The following SHISA6 variants were observed in gnomAD, a reference collection of about 807,000 sequenced individuals.
The protein encoded by SHISA6 is shisa family member 6, also known as protein shisa-6.
SHISA6 carries 22 observed loss-of-function variants against 47.9 expected under a neutral mutation model. The observed-to-expected ratio is 0.46, with a 90% CI of 0.33 to 0.66. The LOEUF (loss-of-function observed/expected upper bound fraction) is 0.66, where lower values mean the gene tolerates loss of function less well. Ranked by LOEUF, SHISA6 falls within the 30% of genes least tolerant of loss-of-function variation. The probability of loss-of-function intolerance (pLI) is 0.02; values close to 1 mark genes in which losing one functional copy is unlikely to be tolerated. For synonymous variants in SHISA6, 388 were observed against 337.8 expected (o/e 1.15, Z -1.63); for missense variants, 680 against 764.6 (o/e 0.89, Z 1.30).
intron 3 of SHISA6, among the ~76,000 whole-genome samples, chr17:11,395,432 T>G (rs1361719175): frequency 1.3e-5 from 2 of 152,114 alleles, no homozygotes; most frequent in African/African-American, 4.8e-5. Context: ...TCTGCTACCT[T>G]ACTGATTTCT....
rs567926312 is a variant in SHISA6 at position 11,563,454 on chromosome 17, G to A, written c.*5150G>A. On this transcript the variant is annotated 3_prime_UTR_variant, in exon 6 of 6. Coordinates refer to ENST00000441885, the MANE Select transcript of SHISA6 (RefSeq NM_207386.4). Reference sequence around the variant, plus strand: ...AGTTTGTGATATTCAAACCCATCTTGTAAATCAGCAAACACATTAACCTTC... The same window carrying A: ...AGTTTGTGATATTCAAACCCATCTTATAAATCAGCAAACACATTAACCTTC... The A allele has an allele frequency of 1.3e-5, 2 of 152,276 alleles. No homozygotes were observed. The highest frequency in any genetic ancestry group is 4.8e-5 in the African/African-American group (2 of 41,554). The allele number at this position is 152,276 out of a possible 1,614,324, so 9.4% of individuals were successfully genotyped here. A position where few individuals can be genotyped will look rare whatever the true frequency, so the allele number is the denominator to read the frequency against.
chr17:11,503,205 G>T (rs1021028677), intron 3 of SHISA6, among the ~76,000 whole-genome samples: 14 of 152,174 alleles, frequency 9.2e-5, no homozygotes, highest in African/African-American at 2.9e-4. Flanking sequence ...CTAGCTGATT[G>T]CAGAGCCAGG....
At chr17:11,250,339 C>T (rs1159289503) in intron 1 of SHISA6, among the ~76,000 whole-genome samples, 1 of 152,220 alleles carries the variant, frequency 6.6e-6, no homozygotes, top group Admixed American at 6.5e-5. Flanking sequence ...CTGGGCCAGA[C>T]TGCCTTAGAT....
chr17:11,375,853 G>A (rs1422428036), intron 2 of SHISA6, among the ~76,000 whole-genome samples: 2 of 152,154 alleles, frequency 1.3e-5, no homozygotes, highest in African/African-American at 2.4e-5. Context: ...AAGGTGAGGG[G>A]GCAGTGGCAG....
intron 1 of SHISA6, 125 bp downstream of exon 1, chr17:11,242,185 C>A (rs1284028131): frequency 3.1e-6 from 4 of 1,306,500 alleles, no homozygotes; most frequent in Non-Finnish European, 4.2e-6. Flanking sequence ...TTTCCACCAT[C>A]GCTCCTTTTG....
intron 1 of SHISA6, among the ~76,000 whole-genome samples, chr17:11,247,284 AAAG>A (rs1280804496): frequency 8.5e-5 from 13 of 152,180 alleles, no homozygotes; most frequent in African/African-American, 2.9e-4. Flanking sequence ...AACCACAACA[AAAG>A]AAGCTTCATG....
intron 3 of SHISA6, among the ~76,000 whole-genome samples, chr17:11,548,606 C>T (rs1401305797): frequency 2.0e-5 from 3 of 152,092 alleles, no homozygotes; most frequent in Non-Finnish European, 4.4e-5. Context: ...AGGCAACTGA[C>T]AGTGTGTTGA....
At chr17:11,513,213 T>A (rs1196199121) in intron 3 of SHISA6, among the ~76,000 whole-genome samples, 1 of 150,088 alleles carries the variant, frequency 6.7e-6, no homozygotes, top group African/African-American at 2.5e-5. Flanking sequence ...TATATATGTA[T>A]GTGTTATATA....
Position 11,241,448 on chromosome 17 carries a change from T to G in SHISA6, c.26T>G (p.Leu9Arg). 2 of 1,201,400 alleles carry G rather than the reference T, an allele frequency of 1.7e-6. No homozygotes were observed. The highest frequency in any genetic ancestry group is 2.1e-6 in the Non-Finnish European group (2 of 951,112). 74.4% of individuals were successfully genotyped at this position (1,201,400 alleles called of 1,614,324 possible). A position where few individuals can be genotyped will look rare whatever the true frequency, so the allele number is the denominator to read the frequency against. ...ATGGCGCTGCGGCGCCTCCTGCTGC[T>G]GCTGCTGCTCTCGCTGGAGTCCCTG... Reference protein sequence around the residue: MALRRLLLLLLLSLESLDL... With the variant: MALRRLLLRLLLSLESLDL... The change falls in exon 1 of 6, where the codon CTG becomes CGG. Residue 9 changes from leucine (L) to arginine (R), a missense_variant. By Grantham distance (102) the Leu-to-Arg change is moderately radical (BLOSUM62 -2). Coordinates refer to ENST00000441885, the MANE Select transcript of SHISA6 (RefSeq NM_207386.4). This position sits in a 1 kb window ranked among gnomAD's most constrained non-coding sequence, Gnocchi z 5.5.
chr17:11,442,249 A>G (rs1418036970), intron 3 of SHISA6, among the ~76,000 whole-genome samples: 1 of 151,954 alleles, frequency 6.6e-6, no homozygotes, highest in South Asian at 2.1e-4. Flanking sequence ...ATGTAAGTGA[A>G]TGCTGGGCTG....
rs2072065333 is a variant in SHISA6 at position 11,563,532 on chromosome 17, C to T, written c.*5228C>T. 6.6e-6 allele frequency: 1 copy of T among 152,194 alleles called. No homozygotes were observed. The highest frequency in any genetic ancestry group is 2.4e-5 in the African/African-American group (1 of 41,450). 9.4% of individuals were successfully genotyped at this position (152,194 alleles called of 1,614,324 possible). On this transcript the variant is annotated 3_prime_UTR_variant, in exon 6 of 6. Transcript: ENST00000441885. ...TGTGTGTTTCCTTAATGCTCTCCCT[C>T]CTGAGGGAGGAGAAGACCCTGCTCA...
chr17:11,316,613 G>A (rs1216264787), intron 2 of SHISA6, among the ~76,000 whole-genome samples: 3 of 151,606 alleles, frequency 2.0e-5, no homozygotes, highest in South Asian at 2.1e-4. Context: ...CTAGAGATGG[G>A]GTTTCACCAT....
At chr17:11,292,775 G>T (rs1323415251) in intron 2 of SHISA6, among the ~76,000 whole-genome samples, 1 of 151,664 alleles carries the variant, frequency 6.6e-6, no homozygotes. Flanking sequence ...AATTCCCCAA[G>T]CAGTGAGAAG....
chr17:11,344,572 C>T (rs537680813), intron 2 of SHISA6, among the ~76,000 whole-genome samples: 38 of 152,178 alleles, frequency 2.5e-4, no homozygotes, highest in African/African-American at 8.9e-4. Context: ...AAATCAATGG[C>T]CGTAAATGTA....
At position 11,379,475 on chromosome 17, in the gene SHISA6, T is replaced by C; in HGVS notation, c.861T>C (p.Ser287=). Residue 287 remains serine (S), a synonymous_variant, in exon 3 of 6, where the codon TCT becomes TCC. Transcript: ENST00000441885. ...GGPDLHNFIS[S]GFVTLGRGHT... ...CTGATCTCCATAACTTCATCTCATC[T>C]GGATTTGTCACATTAGGAAGAGGAC... 6.5e-7 allele frequency: 1 copy of C among 1,541,276 alleles called. No homozygotes were observed. Among genetic ancestry groups the C allele is most frequent in the African/African-American group, 1.4e-5 (1 of 72,342 alleles).
intron 1 of SHISA6, among the ~76,000 whole-genome samples, chr17:11,255,840 C>T (rs768776493): frequency 5.9e-5 from 9 of 152,070 alleles, no homozygotes; most frequent in Non-Finnish European, 1.0e-4. Context: ...TAGGCTGAGC[C>T]GATGTAGATA....
chr17:11,325,234 A>C (rs541401230), intron 2 of SHISA6, among the ~76,000 whole-genome samples: 1 of 152,218 alleles, frequency 6.6e-6, no homozygotes, highest in Non-Finnish European at 1.5e-5. Flanking sequence ...GTTTCAGTTC[A>C]TCAGGCTGAA....
At chr17:11,343,116 A>G (rs1392383018) in intron 2 of SHISA6, among the ~76,000 whole-genome samples, 1 of 152,162 alleles carries the variant, frequency 6.6e-6, no homozygotes, top group African/African-American at 2.4e-5. Context: ...CTTTCCCCCT[A>G]TAAGTTATAT....
intron 3 of SHISA6, among the ~76,000 whole-genome samples, chr17:11,546,777 T>G: frequency 6.6e-6 from 1 of 151,880 alleles, no homozygotes; most frequent in South Asian, 2.1e-4. Context: ...AAAAATTAGC[T>G]GGATGTGGTG....
Sources: allele counts gnomAD v4.1 joint callset (sites outside exome capture counted in the v4.1 genomes callset), GRCh38; gene constraint gnomAD v4.1.1; non-coding constraint Gnocchi (gnomAD v3.1); transcripts MANE v1.5; gene names NCBI Gene and HGNC (gene_info 2026-07-23, HGNC 2026-07-21).